DLC1: variants seen among roughly 807,000 people sequenced by gnomAD.
DLC1 encodes DLC1 Rho GTPase activating protein.
Under a neutral mutation model 140.3 loss-of-function variants are expected in DLC1, and 54 were observed. That is an observed-to-expected ratio of 0.38 (90% CI 0.31 to 0.48). DLC1 has a LOEUF of 0.48. DLC1 is among the 20% of genes least tolerant of loss of function. The pLI is 0.96. For missense variants in DLC1, 2,536 were observed against 1,907.0 expected (o/e 1.33, Z -6.14); for synonymous variants, 986 against 728.1 (o/e 1.35, Z -5.70).
At chr8:13,453,436 A>ATATATATATG (rs1461156619) in intron 2 of DLC1, among the ~76,000 whole-genome samples, 5 of 24,380 alleles carry the variant, frequency 2.1e-4, no homozygotes, top group Admixed American at 5.3e-4. Context: ...GTATATATAT[A>ATATATATATG]TGTATATATA....
At chr8:13,581,120 A>G (rs1805081687) in intron 1 of DLC1, among the ~76,000 whole-genome samples, 1 of 152,256 alleles carries the variant, frequency 6.6e-6, no homozygotes, top group Admixed American at 6.5e-5. Flanking sequence ...ACTCTTTGCA[A>G]GGAATTAAGA....
At chr8:13,200,786 T>C (rs1827338091) in intron 5 of DLC1, among the ~76,000 whole-genome samples, 1 of 151,958 alleles carries the variant, frequency 6.6e-6, no homozygotes, top group Non-Finnish European at 1.5e-5. Context: ...TTTGTGGAGA[T>C]GGGGACTCAC....
At chr8:13,304,632 T>G in intron 5 of DLC1, 1 of 900,484 alleles carries the variant, frequency 1.1e-6, no homozygotes, top group East Asian at 1.2e-4. Flanking sequence ...ATACCTTTAA[T>G]CTGTTTTCGT....
chr8:13,603,151 A>G (rs1805943349), intron 1 of DLC1, among the ~76,000 whole-genome samples: 1 of 151,898 alleles, frequency 6.6e-6, no homozygotes, highest in Non-Finnish European at 1.5e-5. Context: ...AGAACTCTTA[A>G]GTCACACGGA....
intron 4 of DLC1, among the ~76,000 whole-genome samples, chr8:13,330,370 CAT>C (rs760642994): frequency 2.0e-5 from 3 of 152,214 alleles, no homozygotes; most frequent in South Asian, 2.1e-4. Context: ...TATGTACACA[CAT>C]GTTTTGATTT....
At chr8:13,457,461 G>A (rs1356952432) in intron 2 of DLC1, among the ~76,000 whole-genome samples, 2 of 151,932 alleles carry the variant, frequency 1.3e-5, no homozygotes, top group African/African-American at 2.4e-5. Context: ...GGCAGATCAT[G>A]AGGTCAAGAA....
At chr8:13,575,967 T>C (rs779300930) in intron 1 of DLC1, among the ~76,000 whole-genome samples, 14 of 152,328 alleles carry the variant, frequency 9.2e-5, no homozygotes, top group Non-Finnish European at 1.5e-4. Context: ...GAGCAAATCT[T>C]GGATAACTAG....
chr8:13,230,865 G>T (rs1356724004), intron 5 of DLC1, among the ~76,000 whole-genome samples: 1 of 152,096 alleles, frequency 6.6e-6, no homozygotes, highest in Non-Finnish European at 1.5e-5. Flanking sequence ...CCAAAGTGCT[G>T]GGGTTATAGG....
At chr8:13,103,622 T>C (rs1187382187) in intron 7 of DLC1, among the ~76,000 whole-genome samples, 3 of 151,910 alleles carry the variant, frequency 2.0e-5, no homozygotes, top group Non-Finnish European at 2.9e-5. Context: ...GCAGATCACC[T>C]GAAGTCAGGA....
intron 4 of DLC1, among the ~76,000 whole-genome samples, chr8:13,366,216 T>C (rs1249180421): frequency 6.6e-6 from 1 of 152,150 alleles, no homozygotes; most frequent in Non-Finnish European, 1.5e-5. Context: ...GCAGTGAAAA[T>C]AGTAGGGCTT....
chr8:13,118,406 C>T (rs1820758977), intron 5 of DLC1, among the ~76,000 whole-genome samples: 2 of 152,156 alleles, frequency 1.3e-5, no homozygotes, highest in Non-Finnish European at 2.9e-5. Context: ...CCTTTCTCTT[C>T]TTCACCCTAA....
intron 5 of DLC1, among the ~76,000 whole-genome samples, chr8:13,188,931 C>T (rs1310085931): frequency 2.7e-5 from 4 of 146,312 alleles, no homozygotes; most frequent in Non-Finnish European, 4.5e-5. Flanking sequence ...CCTCGTTATC[C>T]GCCCGCCTCG....
intron 5 of DLC1, among the ~76,000 whole-genome samples, chr8:13,234,875 C>T (rs1302327916): frequency 2.0e-5 from 3 of 151,946 alleles, no homozygotes; most frequent in African/African-American, 4.8e-5. Context: ...AAAACCAAAA[C>T]AAAACAACTG....
intron 5 of DLC1, among the ~76,000 whole-genome samples, chr8:13,283,312 A>ACG (rs1266288362): frequency 1.3e-5 from 2 of 151,738 alleles, no homozygotes; most frequent in Non-Finnish European, 2.9e-5. Context: ...ACACACACAC[A>ACG]CACACACACA....
At chr8:13,531,138 A>G (rs1313709710) in intron 1 of DLC1, among the ~76,000 whole-genome samples, 1 of 152,190 alleles carries the variant, frequency 6.6e-6, no homozygotes, top group African/African-American at 2.4e-5. Flanking sequence ...GTTTCCTGGA[A>G]CTGAATTGCT....
chr8:13,085,993 T>A (rs1817524351), intron 17 of DLC1, 62 bp from the exon 18 acceptor site: 1 of 1,593,646 alleles, frequency 6.3e-7, no homozygotes, highest in Non-Finnish European at 8.5e-7. Flanking sequence ...GGAAATAAAA[T>A]GAGAAACATC....
intron 2 of DLC1, among the ~76,000 whole-genome samples, chr8:13,466,602 C>A (rs1185525711): frequency 1.1e-4 from 17 of 152,156 alleles, no homozygotes; most frequent in Non-Finnish European, 1.9e-4. Context: ...CATGGAGGCA[C>A]CTTGTAAACA....
intron 4 of DLC1, among the ~76,000 whole-genome samples, chr8:13,321,996 G>T (rs1833147326): frequency 6.6e-6 from 1 of 151,958 alleles, no homozygotes; most frequent in Non-Finnish European, 1.5e-5. Context: ...CCTCTATTTG[G>T]AGAACCCTAA....
chr8:13,150,096 T>C (rs1443854797), intron 5 of DLC1, among the ~76,000 whole-genome samples: 1 of 152,092 alleles, frequency 6.6e-6, no homozygotes, highest in East Asian at 1.9e-4. Context: ...GGGATGCATA[T>C]ATGTGTGTAT....
Sources: gnomAD v4.1 joint callset for allele counts (sites outside exome capture counted in the v4.1 genomes callset) on GRCh38, gnomAD v4.1.1 for gene constraint, MANE v1.5 for transcripts, NCBI Gene and HGNC (gene_info 2026-07-23, HGNC 2026-07-21) for gene names.